ALMS1: variants seen among roughly 807,000 people sequenced by gnomAD.
ALMS1 encodes the protein centrosome-associated protein ALMS1.
ALMS1 carries 271 observed loss-of-function variants against 352.2 expected under a neutral mutation model. The ratio of observed to expected loss-of-function variants is 0.77; its 90% CI spans 0.70 to 0.85. The LOEUF is 0.85. Ranked by LOEUF, ALMS1 falls within the 40% of genes least tolerant of loss-of-function variation. The pLI, the probability that ALMS1 is intolerant of heterozygous loss-of-function variation, is 0.00. For synonymous variants in ALMS1, 1,865 were observed against 1,761.2 expected (o/e 1.06, Z -1.48); for missense variants, 5,445 against 4,870.7 (o/e 1.12, Z -3.51).
At chr2:73,607,637 T>A (rs192203564) in intron 21 of ALMS1, among the ~76,000 whole-genome samples, 2 of 152,138 alleles carry the variant, frequency 1.3e-5, no homozygotes, top group East Asian at 3.9e-4. Flanking sequence ...CATTATTATT[T>A]TTTTATTATT....
At chr2:73,492,524 G>A (rs1055241463) in intron 10 of ALMS1, among the ~76,000 whole-genome samples, 4 of 152,112 alleles carry the variant, frequency 2.6e-5, no homozygotes, top group African/African-American at 4.8e-5. Context: ...CTCTGTCCTA[G>A]AATTTGAACC....
intron 1 of ALMS1, among the ~76,000 whole-genome samples, chr2:73,390,917 C>T (rs1296312864): frequency 3.3e-5 from 5 of 151,920 alleles, no homozygotes; most frequent in African/African-American, 7.3e-5. Context: ...ACTACAGATG[C>T]GCGCCACCAT....
intron 9 of ALMS1, among the ~76,000 whole-genome samples, chr2:73,466,331 G>A (rs1334731266): frequency 2.0e-5 from 3 of 152,114 alleles, no homozygotes; most frequent in Admixed American, 6.5e-5. Context: ...CATGTCCTTT[G>A]TAGGGACATG....
In ALMS1 at chr2:73,452,175, A is replaced by T; in HGVS notation, c.5648A>T (p.Asp1883Val). ...GCAATAGGGGTTCCTGGGCCTGCTG[A>T]CCAGAAGACTGGGATACAAATAGCA... is the stretch of plus-strand genomic sequence containing the variant. Reference protein sequence around the residue: ...LKAIGVPGPADQKTGIQIASS... With the variant: ...LKAIGVPGPAVQKTGIQIASS... The change falls in exon 8 of 23, where the codon GAC becomes GTC. Residue 1883 changes from aspartate (D) to valine (V), a missense_variant. By Grantham distance (152) the Asp-to-Val change is radical. Coordinates refer to ENST00000613296, the MANE Select transcript of ALMS1 (RefSeq NM_001378454.1). 2 of 1,613,026 alleles carry T rather than the reference A, an allele frequency of 1.2e-6. No homozygotes were observed. Among genetic ancestry groups the T allele is most frequent in the Non-Finnish European group, 1.7e-6 (2 of 1,179,476 alleles).
chr2:73,445,959 C>A (rs1671804878), intron 7 of ALMS1, among the ~76,000 whole-genome samples: 2 of 152,132 alleles, frequency 1.3e-5, no homozygotes, highest in African/African-American at 4.8e-5. Flanking sequence ...TAAAAACATA[C>A]CATTTTTCAT....
chr2:73,606,276 A>G (rs901184262), intron 21 of ALMS1, among the ~76,000 whole-genome samples: 1 of 152,258 alleles, frequency 6.6e-6, no homozygotes, highest in Non-Finnish European at 1.5e-5. Flanking sequence ...ATCAATAGAT[A>G]AAACCTACAT....
At chr2:73,534,978 ATTG>A in intron 12 of ALMS1, 29 bp downstream of exon 12, 1 of 1,612,612 alleles carries the variant, frequency 6.2e-7, no homozygotes, top group Non-Finnish European at 8.5e-7. Flanking sequence ...TCGAAGTTTT[ATTG>A]TTTGATATTT....
rs1553403479 is a variant in ALMS1 at position 73,448,966 on chromosome 2, C to G, written c.2439C>G (p.His813Gln). The G allele has an allele frequency of 6.2e-7, 1 of 1,613,880 alleles. No homozygotes were observed. The change falls in exon 8 of 23, where the codon CAC becomes CAG. Residue 813 changes from histidine (H) to glutamine (Q), a missense_variant. By Grantham distance (24) the His-to-Gln change is conservative. Coordinates refer to ENST00000613296, the MANE Select transcript of ALMS1 (RefSeq NM_001378454.1). ...LPTVPSSAYS[H>Q]REKLLVFYQQ... ...CAGTACCCTCTAGTGCATACTCACA[C>G]AGAGAGAAGCTCCTTGTTTTCTACC...
intron 6 of ALMS1, among the ~76,000 whole-genome samples, 197 bp downstream of exon 6, chr2:73,426,750 C>T (rs1386669739): frequency 2.0e-5 from 3 of 152,160 alleles, no homozygotes; most frequent in Non-Finnish European, 4.4e-5. Flanking sequence ...CAGCTCCCTG[C>T]ACTGGCAGCC....
At chr2:73,474,306 T>C (rs1672534523) in intron 9 of ALMS1, among the ~76,000 whole-genome samples, 1 of 151,894 alleles carries the variant, frequency 6.6e-6, no homozygotes, top group South Asian at 2.1e-4. Flanking sequence ...AAGTTTTGTA[T>C]CACATGGTAA....
At chr2:73,603,388 A>G in intron 21 of ALMS1, 84 bp downstream of exon 21, 1 of 1,197,160 alleles carries the variant, frequency 8.4e-7, no homozygotes, top group East Asian at 2.3e-5. Flanking sequence ...ACCCAGAATA[A>G]ATGTATTATA....
chr2:73,573,215 A>T lies in ALMS1; in HGVS notation c.11338A>T (p.Ser3780Cys). The change falls in exon 16 of 23, where the codon AGC (serine) becomes TGC (cysteine). Residue 3780 changes from serine to cysteine, a missense_variant. Coordinates refer to ENST00000613296, the MANE Select transcript of ALMS1 (RefSeq NM_001378454.1). ...DREVALHERSSSVSTIDTARL... is the reference protein window; with the variant it reads ...DREVALHERSCSVSTIDTARL... ...AGAGGTGGCTCTGCACGAAAGGAGT[A>T]GCTCTGTTTCCACTATTGACACTGC... 1 of 1,613,066 alleles carries T rather than the reference A, an allele frequency of 6.2e-7. No homozygotes were observed. The highest frequency in any genetic ancestry group is 8.5e-7 in the Non-Finnish European group (1 of 1,179,242).
intron 21 of ALMS1, among the ~76,000 whole-genome samples, chr2:73,604,818 A>T (rs1410353319): frequency 6.6e-6 from 1 of 152,170 alleles, no homozygotes. Context: ...CTGATGATGC[A>T]AGAGAAATGG....
At chr2:73,588,417 G>T (rs1675354205) in intron 16 of ALMS1, among the ~76,000 whole-genome samples, 1 of 151,906 alleles carries the variant, frequency 6.6e-6, no homozygotes, top group African/African-American at 2.4e-5. Context: ...TGTGTCTGTT[G>T]TGTGTCTCTA....
At chr2:73,605,130 TTG>T (rs1449804729) in intron 21 of ALMS1, among the ~76,000 whole-genome samples, 1 of 152,206 alleles carries the variant, frequency 6.6e-6, no homozygotes, top group East Asian at 1.9e-4. Context: ...TGACTTGTGT[TTG>T]TAGCAGACAT....
At chr2:73,593,891 C>T (rs533156157) in intron 16 of ALMS1, among the ~76,000 whole-genome samples, 12 of 152,318 alleles carry the variant, frequency 7.9e-5, no homozygotes, top group African/African-American at 2.6e-4. Context: ...TTTCAAGGTT[C>T]GTACACCTCA....
At chr2:73,396,807 G>A (rs1407085721) in intron 1 of ALMS1, among the ~76,000 whole-genome samples, 1 of 151,806 alleles carries the variant, frequency 6.6e-6, no homozygotes, top group Non-Finnish European at 1.5e-5. Context: ...ACCACGCCTG[G>A]CTAATTTTTT....
chr2:73,389,839 A>G (rs1348017037), intron 1 of ALMS1, among the ~76,000 whole-genome samples: 2 of 151,876 alleles, frequency 1.3e-5, no homozygotes, highest in East Asian at 3.9e-4. Flanking sequence ...ACAGGTATCC[A>G]CCACCACGCC....
Position 73,496,040 on chromosome 2 carries a change from A to G in ALMS1, c.9539+4542A>G, listed in dbSNP as rs1041213986. ...AGCATCTCCCTTCCCCATATTCTTC[A>G]GTATGAGTACGTGATTCATTTATAA... is the stretch of plus-strand genomic sequence containing the variant. On this transcript the variant is annotated intron_variant, in intron 10 of 22. Coordinates refer to ENST00000613296, the MANE Select transcript of ALMS1 (RefSeq NM_001378454.1). Among the ~76,000 whole-genome samples the G allele has an allele frequency of 3.5e-4, 53 of 152,344 alleles. 1 individual carries two copies. The highest frequency in any genetic ancestry group is 1.1e-3 in the African/African-American group (44 of 41,584).
Sources: allele counts gnomAD v4.1 joint callset (sites outside exome capture counted in the v4.1 genomes callset), GRCh38; gene constraint gnomAD v4.1.1; transcripts MANE v1.5; gene names NCBI Gene and HGNC (gene_info 2026-07-23, HGNC 2026-07-21).